Variants in KCNA6 observed in about 807,000 individuals in gnomAD.
KCNA6 encodes the protein potassium voltage-gated channel subfamily A member 6.
Under a neutral mutation model 29.5 loss-of-function variants are expected in KCNA6, and 17 were observed. That is an observed-to-expected ratio of 0.58 (90% CI 0.39 to 0.86). KCNA6 has a LOEUF of 0.86. Ranked by LOEUF, KCNA6 falls within the 40% of genes least tolerant of loss-of-function variation. The probability of loss-of-function intolerance (pLI) is 0.00; values close to 1 mark genes in which losing one functional copy is unlikely to be tolerated. For missense variants in KCNA6, 450 were observed against 703.4 expected, an observed-to-expected ratio of 0.64 and a Z score of 4.07; for synonymous variants, 296 against 304.7, an observed-to-expected ratio of 0.97 and a Z score of 0.30.
At chr12:4,846,903 C>G in the KCNA6 span, among the ~76,000 whole-genome samples, 1 of 151,436 alleles carries the variant, frequency 6.6e-6, no homozygotes, top group South Asian at 2.1e-4. Context: ...CTCAGCCTCC[C>G]AAGTAGCTTA....
chr12:4,818,694 G>T, the KCNA6 span, among the ~76,000 whole-genome samples: 1 of 152,156 alleles, frequency 6.6e-6, no homozygotes, highest in South Asian at 2.1e-4. Flanking sequence ...ATGGAATGCA[G>T]TGAGGGTCTA....
At chr12:4,821,420 G>T in the KCNA6 span, among the ~76,000 whole-genome samples, 1 of 55,572 alleles carries the variant, frequency 1.8e-5, no homozygotes, top group African/African-American at 6.0e-5. Flanking sequence ...TCACTTGGAT[G>T]TGTGTGTGTG....
At chr12:4,828,267 G>T in the KCNA6 span, among the ~76,000 whole-genome samples, 5 of 152,172 alleles carry the variant, frequency 3.3e-5, no homozygotes, top group Admixed American at 6.5e-5. Flanking sequence ...GTCTATGTCT[G>T]TATCTGTATA....
the KCNA6 span, among the ~76,000 whole-genome samples, chr12:4,831,296 C>T: frequency 6.6e-6 from 1 of 152,146 alleles, no homozygotes; most frequent in South Asian, 2.1e-4. Context: ...TCTGGTTGGG[C>T]ATTGTCAGGC....
chr12:4,842,735 A>G, the KCNA6 span: 1 of 152,184 alleles, frequency 6.6e-6, no homozygotes, highest in South Asian at 2.1e-4. Context: ...ATCACTTCCC[A>G]CCAGGTTCCG....
the KCNA6 span, among the ~76,000 whole-genome samples, chr12:4,848,578 A>G: frequency 2.6e-5 from 4 of 151,326 alleles, no homozygotes; most frequent in Non-Finnish European, 5.9e-5. Context: ...CTTGTTGCCC[A>G]GGCTGGAGTG....
At position 4,810,757 on chromosome 12, in the gene KCNA6, C is replaced by T. The variant is rs1472926706; in HGVS notation, c.716C>T (p.Thr239Ile). Residue 239 changes from threonine (T) to isoleucine (I), a missense_variant, in exon 1 of 1, where the codon ACC becomes ATC. By Grantham distance (89) the Thr-to-Ile change is moderately conservative (BLOSUM62 -1). This residue lies in a region of KCNA6 where 74 missense variants were observed against 71.5 expected (regional missense o/e 1.03). Coordinates refer to ENST00000280684, the Ensembl canonical transcript of KCNA6. This position sits in a 1 kb window ranked among gnomAD's most constrained non-coding sequence, Gnocchi z 7.5. ...TCCTACACATTTCATCATGGCATCACCCCTGGGGAAATGGGGACCGGGGGC... is the reference window on the plus strand; with the variant it reads ...TCCTACACATTTCATCATGGCATCATCCCTGGGGAAATGGGGACCGGGGGC... 1 of 1,603,416 alleles carries T rather than the reference C, an allele frequency of 6.2e-7. No individual in the cohort carries two copies. Among genetic ancestry groups the T allele is most frequent in the South Asian group, 1.1e-5 (1 of 88,520 alleles).
At chr12:4,813,949 C>T (rs1461202761), downstream of KCNA6, 3 of 167,104 alleles carry the variant, frequency 1.8e-5, no homozygotes, top group African/African-American at 4.8e-5. Flanking sequence ...ACTCTGGTTG[C>T]CGTAGCAACC....
chr12:4,838,526 G>T, the KCNA6 span, among the ~76,000 whole-genome samples: 4 of 152,136 alleles, frequency 2.6e-5, no homozygotes, highest in Non-Finnish European at 5.9e-5. Flanking sequence ...GGATATGATG[G>T]TCCAGTTTAC....
exon 1 of KCNA6, chr12:4,809,949 G>C (rs1033061340): frequency 1.1e-4 from 160 of 1,422,610 alleles, no homozygotes; most frequent in Admixed American, 3.9e-4. Flanking sequence ...ACCCTAAAGA[G>C]GGCGCAGCCG....
chr12:4,814,738 G>A (rs190416471), downstream of KCNA6: 355 of 167,208 alleles, frequency 2.1e-3, no homozygotes, highest in Non-Finnish European at 4.2e-3. This position sits in a 1 kb window ranked among gnomAD's most constrained non-coding sequence, Gnocchi z 4.6. Flanking sequence ...CGGGATATTC[G>A]TCCCCAAGGA....
At chr12:4,850,296 G>A in the KCNA6 span, among the ~76,000 whole-genome samples, 1 of 100,094 alleles carries the variant, frequency 1.0e-5, no homozygotes, top group Non-Finnish European at 2.3e-5. The surrounding 1 kb of genome is among the most constrained non-coding windows in gnomAD (Gnocchi z 5.4). Flanking sequence ...CTGAGGGTCC[G>A]AGAGGGGGAC....
At chr12:4,840,068 C>T in the KCNA6 span, among the ~76,000 whole-genome samples, 1 of 152,000 alleles carries the variant, frequency 6.6e-6, no homozygotes, top group African/African-American at 2.4e-5. Context: ...AAGAGGCAAA[C>T]AGAGAAAAGA....
At chr12:4,814,161 C>T (rs1205507862), downstream of KCNA6, 1 of 167,108 alleles carries the variant, frequency 6.0e-6, no homozygotes, top group East Asian at 1.9e-4. The surrounding 1 kb of genome is among the most constrained non-coding windows in gnomAD (Gnocchi z 4.6). Flanking sequence ...CCTAGTTTCC[C>T]CACCCAGTCA....
At chr12:4,822,857 G>A in the KCNA6 span, among the ~76,000 whole-genome samples, 7 of 152,190 alleles carry the variant, frequency 4.6e-5, no homozygotes, top group African/African-American at 1.4e-4. Flanking sequence ...GGCCGTGCCC[G>A]GATTCGATCT....
chr12:4,828,668 G>A, the KCNA6 span, among the ~76,000 whole-genome samples: 3 of 152,118 alleles, frequency 2.0e-5, no homozygotes, highest in African/African-American at 7.2e-5. Flanking sequence ...GCATTTAATC[G>A]TCCCAGTTGC....
the KCNA6 span, among the ~76,000 whole-genome samples, chr12:4,828,357 G>T: frequency 6.6e-6 from 1 of 152,222 alleles, no homozygotes; most frequent in Non-Finnish European, 1.5e-5. Context: ...CTACATAGCC[G>T]TCATGGAGAT....
At chr12:4,844,660 A>C in the KCNA6 span, among the ~76,000 whole-genome samples, 3 of 152,142 alleles carry the variant, frequency 2.0e-5, no homozygotes, top group African/African-American at 7.2e-5. The surrounding 1 kb of genome is among the most constrained non-coding windows in gnomAD (Gnocchi z 4.0). Flanking sequence ...CACAGATTGC[A>C]TAGGGCCTTT....
chr12:4,843,602 A>T, the KCNA6 span, among the ~76,000 whole-genome samples: 1 of 152,200 alleles, frequency 6.6e-6, no homozygotes, highest in African/African-American at 2.4e-5. Context: ...ATTTATAAGA[A>T]AAGAGGTTTA....
Sources: gnomAD v4.1 joint callset for allele counts (sites outside exome capture counted in the v4.1 genomes callset) on GRCh38, gnomAD v4.1.1 for gene constraint, gnomAD v4.1.1 regional missense constraint, Gnocchi (gnomAD v3.1) non-coding constraint, MANE v1.5 for transcripts, NCBI Gene and HGNC (gene_info 2026-07-23, HGNC 2026-07-21) for gene names.